Variants in HLA-DRB5 observed in about 807,000 individuals in gnomAD.
The protein encoded by HLA-DRB5 is major histocompatibility complex, class II, DR beta 5.
HLA-DRB5 carries 11 observed loss-of-function variants against 22.4 expected under a neutral mutation model. The ratio of observed to expected loss-of-function variants is 0.49; its 90% CI spans 0.31 to 0.81. HLA-DRB5 has a LOEUF of 0.81. Among genes scored for constraint, HLA-DRB5 ranks in the 40% least tolerant of loss-of-function variants. The probability of loss-of-function intolerance (pLI) is 0.05; values close to 1 mark genes in which losing one functional copy is unlikely to be tolerated. For synonymous variants in HLA-DRB5, 57 were observed against 106.0 expected (o/e 0.54, Z 2.84); for missense variants, 106 against 274.4 (o/e 0.39, Z 4.34).
At chr6:32,520,535 AACT>A in intron 2 of HLA-DRB5, among the ~76,000 whole-genome samples, 1 of 40,978 alleles carries the variant, frequency 2.4e-5, no homozygotes, top group African/African-American at 9.1e-5. Flanking sequence ...AAACAAGCAT[AACT>A]ATTATTATAC....
intron 1 of HLA-DRB5, among the ~76,000 whole-genome samples, chr6:32,525,880 T>A (rs373470399): frequency 0.39 from 24,542 of 63,486 alleles, 8,029 homozygotes; most frequent in Admixed American, 0.47. Flanking sequence ...TGGTATATTC[T>A]AAGTCACTAA....
rs559220747 is a variant in HLA-DRB5, at chr6:32,523,888, T to C, written c.101-1714A>G. Among the ~76,000 whole-genome samples, 32 of 125,378 alleles carry C rather than the reference T, an allele frequency of 2.6e-4. 1 individual carries two copies. Among genetic ancestry groups the C allele is most frequent in the African/African-American group, 5.8e-4 (21 of 35,974 alleles). 82.3% of individuals were successfully genotyped at this position (125,378 alleles called of 152,430 possible). On this transcript the variant is annotated intron_variant, in intron 1 of 5. Coordinates refer to ENST00000374975, the MANE Select transcript of HLA-DRB5 (RefSeq NM_002125.4). ...AGCACTATTGACATTTTGGTCCAGATAATTCTTTGTTGGTAAAGGAGGCTG... is the reference window on the plus strand; with the variant it reads ...AGCACTATTGACATTTTGGTCCAGACAATTCTTTGTTGGTAAAGGAGGCTG...
Position 32,522,224 on chromosome 6 carries a change from A to AT in HLA-DRB5, c.101-51_101-50insA, listed in dbSNP as rs1359213862. On this transcript the variant is annotated intron_variant, in intron 1 of 5. Coordinates refer to ENST00000374975, the MANE Select transcript of HLA-DRB5 (RefSeq NM_002125.4). ...CACAGGGGCGGCCTCCGGGGAAGAT[A>AT]CTGACAGAGACGCCGCCATCCGGGG... 217 of 652,216 alleles carry AT rather than the reference A, an allele frequency of 3.3e-4. 5 individuals are homozygous for AT. The highest frequency in any genetic ancestry group is 1.3e-3 in the Admixed American group (33 of 26,076). 40.4% of individuals were successfully genotyped at this position (652,216 alleles called of 1,614,324 possible).
At chr6:32,521,809 TCTCACACA>T (rs1562433046) in intron 2 of HLA-DRB5, 88 bp downstream of exon 2, 7 of 330,124 alleles carry the variant, frequency 2.1e-5, no homozygotes, top group Non-Finnish European at 3.3e-5. Context: ...TTCCTCTCTC[TCTCACACA>T]CACACACACA....
rs1369321772 is a variant in HLA-DRB5 at position 32,527,994 on chromosome 6, A to G, written c.100+2131T>C. 4.5e-3 allele frequency among the ~76,000 whole-genome samples: 147 copies of G among 32,828 alleles called. 17 individuals are homozygous for G. Among genetic ancestry groups the G allele is most frequent in the South Asian group, 7.7e-3 (11 of 1,430 alleles). 21.5% of individuals were successfully genotyped at this position (32,828 alleles called of 152,430 possible). On this transcript the variant is annotated intron_variant, in intron 1 of 5. Coordinates refer to ENST00000374975, the MANE Select transcript of HLA-DRB5 (RefSeq NM_002125.4). The stretch of plus-strand genomic sequence containing the variant: ...CGACTTCCTCTCTGCATCCTACCTC[A>G]TCTTCTGCCACTGCATTTCCTTGCT...
At chr6:32,523,140 G>A (rs141548052) in intron 1 of HLA-DRB5, among the ~76,000 whole-genome samples, 4,065 of 41,854 alleles carry the variant, frequency 0.097, 15 homozygotes, top group Middle Eastern at 0.14. Flanking sequence ...GATTTAAGGA[G>A]AATAAAACCA....
intron 1 of HLA-DRB5, among the ~76,000 whole-genome samples, chr6:32,527,841 T>C (rs1391182776): frequency 2.5e-5 from 1 of 39,222 alleles, no homozygotes; most frequent in South Asian, 5.9e-4. Context: ...ACCATGCCAT[T>C]GCACTCCAGC....
At chr6:32,521,801 C>CCTCT (rs374866057) in intron 2 of HLA-DRB5, 104 bp downstream of exon 2, 4,238 of 174,336 alleles carry the variant, frequency 0.024, 254 homozygotes, top group South Asian at 0.13. Context: ...TCTCTCTCTT[C>CCTCT]CTCTCTCTCT....
At chr6:32,525,871 G>A (rs796119197) in intron 1 of HLA-DRB5, among the ~76,000 whole-genome samples, 22,295 of 72,268 alleles carry the variant, frequency 0.31, 3,306 homozygotes, top group Admixed American at 0.38. Flanking sequence ...AGTAGTAACT[G>A]GTATATTCTA....
At chr6:32,522,441 C>T (rs532461268) in intron 1 of HLA-DRB5, among the ~76,000 whole-genome samples, 795 of 36,346 alleles carry the variant, frequency 0.022, 273 homozygotes, top group East Asian at 0.13. Flanking sequence ...TGGAGACCTC[C>T]AAGCAGGAGC....
Position 32,520,013 on chromosome 6 carries a change from TC to T in HLA-DRB5, c.371-363del, listed in dbSNP as rs375654726. ...TACTGGTTGATGCTGGAAGAGTTTT[TC>T]GATTCTTCTGTGTCTCAACTTTCTC... On this transcript the variant is annotated intron_variant, in intron 2 of 5. Coordinates refer to ENST00000374975, the MANE Select transcript of HLA-DRB5 (RefSeq NM_002125.4). Among the ~76,000 whole-genome samples, 104 of 30,696 alleles carry T rather than the reference TC, an allele frequency of 3.4e-3. 4 individuals are homozygous for T. The highest frequency in any genetic ancestry group is 4.9e-3 in the Admixed American group (11 of 2,266). The allele number at this position is 30,696 out of a possible 152,430, so 20.1% of individuals were successfully genotyped here.
chr6:32,524,451 T>C (rs76302731), intron 1 of HLA-DRB5, among the ~76,000 whole-genome samples: 14,968 of 94,214 alleles, frequency 0.16, 597 homozygotes, highest in Admixed American at 0.2. Flanking sequence ...CCAACAATAC[T>C]AGCAGGCATC....
At chr6:32,529,922 G>A (rs1361289432) in intron 1 of HLA-DRB5, among the ~76,000 whole-genome samples, 9,229 of 123,252 alleles carry the variant, frequency 0.075, 1 homozygote, top group Middle Eastern at 0.14. Context: ...GACCTGTATG[G>A]AGGCCCCTTA....
At chr6:32,529,763 A>T (rs1421982785) in intron 1 of HLA-DRB5, among the ~76,000 whole-genome samples, 5,357 of 59,874 alleles carry the variant, frequency 0.089, 15 homozygotes, top group Middle Eastern at 0.11. Context: ...AAATTTTCAG[A>T]AAAAAACTCG....
intron 1 of HLA-DRB5, among the ~76,000 whole-genome samples, chr6:32,529,136 C>G (rs1382224203): frequency 7.0e-6 from 1 of 143,432 alleles, no homozygotes; most frequent in Non-Finnish European, 1.5e-5. Flanking sequence ...AGGACAAGAC[C>G]CCAGTAAGAC....
At chr6:32,529,480 T>A (rs1447950533) in intron 1 of HLA-DRB5, among the ~76,000 whole-genome samples, 1 of 66,988 alleles carries the variant, frequency 1.5e-5, no homozygotes, top group Non-Finnish European at 2.9e-5. Flanking sequence ...TAGATGCCCT[T>A]TAACTGTAGG....
rs756203709 is a variant in HLA-DRB5 at position 32,522,087 on chromosome 6, T to C, written c.188A>G (p.Gln63Arg). Residue 63 changes from glutamine to arginine, a missense_variant, in exon 2 of 6, where the codon CAA (glutamine) becomes CGA (arginine). Gln to Arg is a conservative substitution (Grantham distance 43). Coordinates refer to ENST00000374975, the MANE Select transcript of HLA-DRB5 (RefSeq NM_002125.4). ...VRFLHRDIYN[Q>R]EEDLRFDSDV... ...GCTGTCGAAGCGCAAGTCCTCCTCT[T>C]GGTTATAGATGTCTCTGTGCAGGAA... 8 of 1,320,868 alleles carry C rather than the reference T, an allele frequency of 6.1e-6. No homozygotes were observed. In the Admixed American group the frequency reaches 1.5e-4, roughly 25 times the overall value. The allele number at this position is 1,320,868 out of a possible 1,614,324, so 81.8% of individuals were successfully genotyped here.
At position 32,530,162 on chromosome 6, in the gene HLA-DRB5, C is replaced by T; in HGVS notation, c.63G>A (p.Val21=). The part of the protein sequence containing the change: ...YMAKLTVTLM[V]LSSPLALAGD... ...CAGCCAAAGCCAGTGGGGAGCTCAG[C>T]ACCATCAGTGTCACTGTCAGCTTTG... The change falls in exon 1 of 6, where the codon GTG becomes GTA. Residue 21 remains valine, a synonymous_variant. Coordinates refer to ENST00000374975, the MANE Select transcript of HLA-DRB5 (RefSeq NM_002125.4). 6.4e-7 allele frequency: 1 copy of T among 1,554,748 alleles called. No homozygotes were observed. Among genetic ancestry groups the T allele is most frequent in the Non-Finnish European group, 8.8e-7 (1 of 1,133,182 alleles).
chr6:32,522,912 G>T (rs1258166356), intron 1 of HLA-DRB5, among the ~76,000 whole-genome samples: 1,553 of 45,246 alleles, frequency 0.034, 119 homozygotes, highest in East Asian at 0.048. Context: ...GCAAAACGGG[G>T]GAAGCACATT....
Sources: allele counts gnomAD v4.1 joint callset (sites outside exome capture counted in the v4.1 genomes callset), GRCh38; gene constraint gnomAD v4.1.1; transcripts MANE v1.5; gene names NCBI Gene and HGNC (gene_info 2026-07-23, HGNC 2026-07-21).